Variants in TJP1 observed in about 807,000 individuals in gnomAD.
The protein encoded by TJP1 is tight junction protein ZO-1.
In TJP1, 43 loss-of-function variants were observed where a neutral mutation model predicts 194.2. The ratio of observed to expected loss-of-function variants is 0.22; its 90% confidence interval spans 0.17 to 0.29. TJP1 has a LOEUF of 0.29. Ranked by LOEUF, TJP1 falls within the 10% of genes least tolerant of loss-of-function variation. The probability of loss-of-function intolerance (pLI) is 1.00; values close to 1 mark genes in which losing one functional copy is unlikely to be tolerated. For synonymous variants in TJP1, 801 were observed against 779.0 expected (o/e 1.03, Z -0.47); for missense variants, 1,971 against 2,185.7 (o/e 0.90, Z 1.96).
chr15:29,835,903 G>GAGAC (rs1186954986), intron 2 of TJP1, among the ~76,000 whole-genome samples: 2 of 137,482 alleles, frequency 1.5e-5, no homozygotes. Flanking sequence ...GAGAGAGAGA[G>GAGAC]AGACAGAGAG....
chr15:29,916,882 C>T lies in TJP1; in HGVS notation c.306+39350G>A, dbSNP rs183283149. 2.8e-3 allele frequency among the ~76,000 whole-genome samples: 423 copies of T among 152,210 alleles called. 2 individuals carry two copies. The highest frequency in any genetic ancestry group is 4.0e-3 in the Non-Finnish European group (271 of 68,014). On this transcript the variant is annotated intron_variant, in intron 2 of 28. Coordinates refer to the TJP1 transcript ENST00000356107. ...AACAGTGAGCTGTGACATCATAGAG[C>T]CATTTCCTTTCAAGCCCTACCCTTA...
At chr15:29,862,623 G>A (rs1381064875) in intron 2 of TJP1, among the ~76,000 whole-genome samples, 1 of 150,404 alleles carries the variant, frequency 6.6e-6, no homozygotes, top group African/African-American at 2.4e-5. Flanking sequence ...CCCTTGGGAG[G>A]TAGGCAATAG....
chr15:29,893,454 T>A (rs961878732), intron 2 of TJP1, among the ~76,000 whole-genome samples: 2 of 152,292 alleles, frequency 1.3e-5, no homozygotes, highest in East Asian at 3.9e-4. Context: ...TCAAACAGCA[T>A]CCCATGCTTC....
At chr15:29,836,843 G>A (rs963559777) in intron 2 of TJP1, among the ~76,000 whole-genome samples, 2 of 152,138 alleles carry the variant, frequency 1.3e-5, no homozygotes, top group African/African-American at 4.8e-5. Flanking sequence ...TGTCATGTAA[G>A]AAAACAGTCT....
chr15:29,726,901 C>G lies in TJP1; in HGVS notation c.2191G>C (p.Asp731His). 6.2e-7 allele frequency: 1 copy of G among 1,614,114 alleles called. No individual in the cohort carries two copies. The highest frequency in any genetic ancestry group is 8.5e-7 in the Non-Finnish European group (1 of 1,180,006). Residue 731 changes from aspartate (D) to histidine (H), a missense_variant, in exon 17 of 28, where the codon GAT (aspartate) becomes CAT (histidine). By Grantham distance (81) the Asp-to-His change is moderately conservative. This residue lies in a region of TJP1 where 402 missense variants were observed against 484.2 expected (regional missense o/e 0.83). Transcript: ENST00000614355. ...WYPIVVFLNP[D>H]SKQGVKTMRM... ...ATTGTTTTTACTCCTTGCTTAGAATCAGGGTTAAGAAATACAACAATTGGA... is the reference window on the plus strand; with the variant it reads ...ATTGTTTTTACTCCTTGCTTAGAATGAGGGTTAAGAAATACAACAATTGGA...
At chr15:29,822,477 GCCGGCCCGGCCCACTGAGCATGC>G (rs1396746931), upstream of TJP1, 1 of 984,772 alleles carries the variant, frequency 1.0e-6, no homozygotes, top group Non-Finnish European at 1.2e-6. Context: ...ACGCAAACCT[GCCGGCCCGGCCCACTGAGCATGC>G]CCGGCCCGGC....
At chr15:29,722,686 C>G (rs751394286) in intron 18 of TJP1, among the ~76,000 whole-genome samples, 1 of 152,180 alleles carries the variant, frequency 6.6e-6, no homozygotes, top group South Asian at 2.1e-4. Context: ...GTCCTCCAGA[C>G]CTTAGAGAGG....
Position 29,712,347 on chromosome 15 carries a change from T to C in TJP1, c.4203-1347A>G, listed in dbSNP as rs991837019. Among the ~76,000 whole-genome samples, 14 of 152,304 alleles carry C rather than the reference T, an allele frequency of 9.2e-5. No homozygotes were observed. The East Asian group carries it at 2.3e-3, about 25-fold the overall frequency. ...ACCTTATGGAACAGCCTCACATTAA[T>C]TGCCAGTCTTACCACTTGACGTTCC... On this transcript the variant is annotated intron_variant, in intron 23 of 27. Coordinates refer to ENST00000614355, the MANE Select transcript of TJP1 (RefSeq NM_001330239.4).
At chr15:29,750,663 T>C (rs1480679561) in intron 8 of TJP1, among the ~76,000 whole-genome samples, 1 of 152,156 alleles carries the variant, frequency 6.6e-6, no homozygotes, top group African/African-American at 2.4e-5. Context: ...TGCCTTATTT[T>C]AAAAATAACC....
At chr15:29,791,032 G>A (rs981768023) in intron 2 of TJP1, among the ~76,000 whole-genome samples, 2 of 151,442 alleles carry the variant, frequency 1.3e-5, no homozygotes, top group Non-Finnish European at 2.9e-5. Flanking sequence ...TGATATACTC[G>A]TTTCCTTTTT....
intron 2 of TJP1, among the ~76,000 whole-genome samples, chr15:29,869,533 C>G (rs71470930): frequency 6.6e-6 from 1 of 152,160 alleles, no homozygotes; most frequent in African/African-American, 2.4e-5. Flanking sequence ...ACCCAAGGTT[C>G]TGCACTAAGG....
Position 29,718,276 on chromosome 15 carries a change from C to T in TJP1, c.3866G>A (p.Gly1289Asp). 6.2e-7 allele frequency: 1 copy of T among 1,612,510 alleles called. No homozygotes were observed. The highest frequency in any genetic ancestry group is 2.2e-5 in the East Asian group (1 of 44,874). The stretch of plus-strand genomic sequence containing the variant: ...TAAAGACATATTTACCTTAAAACTG[C>T]CAGTGTCATTTACATCCTTCTTGGT... ...LETKKDVNDT[G>D]SFKPPEVASK... Residue 1289 changes from glycine to aspartate, a missense_variant, in exon 21 of 28, where the codon GGC (glycine) becomes GAC (aspartate). Gly to Asp is a moderately conservative substitution (Grantham distance 94). Around this residue, in one of 5 missense-constraint regions of TJP1, gnomAD observed 1,108 missense variants for 1,128.5 expected, o/e 0.98. Coordinates refer to ENST00000614355, the MANE Select transcript of TJP1 (RefSeq NM_001330239.4).
chr15:29,716,906 G>C (rs527810187), intron 22 of TJP1, 68 bp from the exon 23 acceptor site: 1 of 1,362,768 alleles, frequency 7.3e-7, no homozygotes, highest in Non-Finnish European at 1.0e-6. Flanking sequence ...AGTAGAATAT[G>C]TAAGTCTTAT....
intron 23 of TJP1, among the ~76,000 whole-genome samples, chr15:29,714,622 GCT>G (rs1036681252): frequency 3.6e-5 from 5 of 140,346 alleles, no homozygotes; most frequent in African/African-American, 1.1e-4. Flanking sequence ...CTCACTGCAA[GCT>G]CTGTCTCCCG....
At chr15:29,857,895 G>A (rs950870756) in intron 2 of TJP1, among the ~76,000 whole-genome samples, 2 of 152,124 alleles carry the variant, frequency 1.3e-5, no homozygotes, top group Non-Finnish European at 2.9e-5. Context: ...CGGACTAGCT[G>A]GGATTACAGG....
At chr15:29,820,179 A>G (rs1041330098) in intron 1 of TJP1, among the ~76,000 whole-genome samples, 1 of 146,290 alleles carries the variant, frequency 6.8e-6, no homozygotes, top group Non-Finnish European at 1.5e-5. Flanking sequence ...TTTTTTTTCC[A>G]AACTGAAAGG....
intron 5 of TJP1, among the ~76,000 whole-genome samples, chr15:29,765,876 A>G (rs979634742): frequency 6.6e-6 from 1 of 152,268 alleles, no homozygotes; most frequent in African/African-American, 2.4e-5. Flanking sequence ...TGGGTGACAG[A>G]GCCAGACCTT....
At chr15:29,806,435 C>T (rs1239305127) in intron 1 of TJP1, among the ~76,000 whole-genome samples, 1 of 152,132 alleles carries the variant, frequency 6.6e-6, no homozygotes, top group Non-Finnish European at 1.5e-5. Context: ...AAAATTTCCA[C>T]AAATCTTCAA....
intron 15 of TJP1, chr15:29,730,649 C>A (rs540017342): frequency 4.3e-6 from 3 of 691,672 alleles, no homozygotes; most frequent in African/African-American, 3.5e-5. Context: ...ACCCCCGGAC[C>A]GACCAAAGCC....
Sources: gnomAD v4.1 joint callset for allele counts (sites outside exome capture counted in the v4.1 genomes callset) on GRCh38, gnomAD v4.1.1 for gene constraint, gnomAD v4.1.1 regional missense constraint, MANE v1.5 for transcripts, NCBI Gene and HGNC (gene_info 2026-07-23, HGNC 2026-07-21) for gene names.